The following ZNF169 variants were observed in gnomAD, a reference collection of about 807,000 sequenced individuals.
ZNF169 encodes the protein zinc finger protein 169.
In ZNF169, 11 loss-of-function variants were observed where a neutral mutation model predicts 12.0. That is an observed-to-expected ratio of 0.92 (90% CI 0.58 to 1.52). The LOEUF (loss-of-function observed/expected upper bound fraction) is 1.52, where lower values mean the gene tolerates loss of function less well. Ranked by LOEUF, ZNF169 falls within the 40% of genes most tolerant of loss-of-function variation. The probability of loss-of-function intolerance (pLI) is 0.00; values close to 1 mark genes in which losing one functional copy is unlikely to be tolerated. For synonymous variants in ZNF169, 302 were observed against 286.5 expected, an observed-to-expected ratio of 1.05 and a Z score of -0.55; for missense variants, 722 against 744.0, an observed-to-expected ratio of 0.97 and a Z score of 0.34.
chr9:94,263,795 C>T (rs1434866917), intron 1 of ZNF169, among the ~76,000 whole-genome samples: 10 of 149,554 alleles, frequency 6.7e-5, no homozygotes, highest in Admixed American at 6.7e-4. Context: ...TTTTTTTCTT[C>T]CCCTGTTCCT....
intron 1 of ZNF169, among the ~76,000 whole-genome samples, chr9:94,263,714 G>A (rs561264360): frequency 2.0e-5 from 3 of 151,852 alleles, no homozygotes; most frequent in Non-Finnish European, 4.4e-5. Flanking sequence ...ATTGGAATGC[G>A]TATTTCATGT....
intron 1 of ZNF169, among the ~76,000 whole-genome samples, chr9:94,270,177 A>C (rs1292217356): frequency 6.6e-6 from 1 of 152,286 alleles, no homozygotes; most frequent in East Asian, 1.9e-4. Context: ...ACTTAACCAC[A>C]CAGTCAGTAC....
chr9:94,301,074 A>G lies in ZNF169; in HGVS notation c.1516A>G (p.Arg506Gly). The G allele has an allele frequency of 6.2e-7, 1 of 1,614,178 alleles. No individual in the cohort carries two copies. The highest frequency in any genetic ancestry group is 8.5e-7 in the Non-Finnish European group (1 of 1,180,020). The change falls in exon 5 of 5, where the codon AGG (arginine) becomes GGG (glycine). Residue 506 changes from arginine to glycine, a missense_variant. Coordinates refer to ENST00000395395, the MANE Select transcript of ZNF169 (RefSeq NM_194320.4). ...TAAGTCGCTCCTCACCCGACACCAG[A>G]GGACACACTCAGAGGAGGAGCTTTA... is the stretch of plus-strand genomic sequence containing the variant. ...GFKSLLTRHQ[R>G]THSEEELYVD...
At chr9:94,282,074 G>A (rs1448801539) in intron 2 of ZNF169, among the ~76,000 whole-genome samples, 1 of 152,092 alleles carries the variant, frequency 6.6e-6, no homozygotes, top group Admixed American at 6.5e-5. Flanking sequence ...CAATTTTAAG[G>A]TATGGCAAGG....
At chr9:94,280,130 C>T (rs1830601770) in intron 2 of ZNF169, among the ~76,000 whole-genome samples, 2 of 152,230 alleles carry the variant, frequency 1.3e-5, no homozygotes, top group African/African-American at 2.4e-5. Context: ...TAATCATATT[C>T]TGGGGCTCAT....
chr9:94,274,022 A>T (rs534232472), intron 1 of ZNF169, among the ~76,000 whole-genome samples: 132 of 152,322 alleles, frequency 8.7e-4, no homozygotes, highest in Admixed American at 2.0e-3. Context: ...GAAGTCCAAG[A>T]TCAAGGTTTC....
chr9:94,300,809 C>T lies in ZNF169; in HGVS notation c.1251C>T (p.Leu417=). ...CGHSFRQKVT[L]IRHQRTHTGE... ...ACAGCTTTCGCCAAAAGGTCACTCT[C>T]ATCAGGCACCAGAGGACACACACAG... Residue 417 remains leucine, a synonymous_variant, in exon 5 of 5, where the codon CTC becomes CTT. Transcript: ENST00000395395. 6.2e-7 allele frequency: 1 copy of T among 1,613,718 alleles called. No individual in the cohort carries two copies. Among genetic ancestry groups the T allele is most frequent in the Non-Finnish European group, 8.5e-7 (1 of 1,179,910 alleles).
intron 2 of ZNF169, among the ~76,000 whole-genome samples, chr9:94,279,996 G>C (rs749198500): frequency 1.3e-5 from 2 of 152,206 alleles, no homozygotes; most frequent in African/African-American, 4.8e-5. Context: ...AACATAAATA[G>C]CTGCCAGGCA....
At chr9:94,289,680 C>T (rs3118753) in intron 2 of ZNF169, among the ~76,000 whole-genome samples, 44,961 of 151,934 alleles carry the variant, frequency 0.3, 7,938 homozygotes, top group East Asian at 0.56. Context: ...ATCCTGGCTA[C>T]TCAGGACGCT....
chr9:94,263,424 T>C (rs1830238653), intron 1 of ZNF169, among the ~76,000 whole-genome samples: 1 of 152,212 alleles, frequency 6.6e-6, no homozygotes, highest in Non-Finnish European at 1.5e-5. Context: ...GTTTACTCTT[T>C]GCATGTTATC....
At chr9:94,263,849 G>A (rs1420752396) in intron 1 of ZNF169, among the ~76,000 whole-genome samples, 2 of 129,932 alleles carry the variant, frequency 1.5e-5, no homozygotes, top group Non-Finnish European at 3.3e-5. Flanking sequence ...TTTTTTTTTA[G>A]CATTCTAATT....
At position 94,276,527 on chromosome 9, in the gene ZNF169, A is replaced by G. The variant is rs1192447551; in HGVS notation, c.-55-2231A>G. Among the ~76,000 whole-genome samples, 5 of 151,980 alleles carry G rather than the reference A, an allele frequency of 3.3e-5. No individual in the cohort carries two copies. The East Asian group carries it at 5.8e-4, about 18-fold the overall frequency. On this transcript the variant is annotated intron_variant, in intron 1 of 4. Coordinates refer to ENST00000395395, the MANE Select transcript of ZNF169 (RefSeq NM_194320.4). ...ACCCACCTCGGCCTCCCAAAGTGCT[A>G]GGATTACAGACGTGAGCCACTGTGC...
At chr9:94,271,917 G>T (rs1403831112) in intron 1 of ZNF169, among the ~76,000 whole-genome samples, 5 of 108,476 alleles carry the variant, frequency 4.6e-5, no homozygotes, top group Non-Finnish European at 1.0e-4. Context: ...GGGAAGTATT[G>T]CCGTCTCTCC....
intron 1 of ZNF169, among the ~76,000 whole-genome samples, chr9:94,269,713 T>TATC (rs1830358217): frequency 1.3e-5 from 2 of 152,192 alleles, no homozygotes; most frequent in African/African-American, 4.8e-5. Flanking sequence ...GCCTGGAAAT[T>TATC]ATCACCAGAC....
At chr9:94,265,142 A>G (rs3118765) in intron 1 of ZNF169, among the ~76,000 whole-genome samples, 44,018 of 151,122 alleles carry the variant, frequency 0.29, 7,925 homozygotes, top group East Asian at 0.53. Context: ...CCATTTTACA[A>G]TCCTGTTCCC....
At chr9:94,269,366 A>C (rs1830351728) in intron 1 of ZNF169, among the ~76,000 whole-genome samples, 1 of 152,176 alleles carries the variant, frequency 6.6e-6, no homozygotes, top group African/African-American at 2.4e-5. Context: ...CTGACATACT[A>C]TCTGGGCAAC....
At chr9:94,263,878 C>T (rs1010104651) in intron 1 of ZNF169, among the ~76,000 whole-genome samples, 6 of 147,496 alleles carry the variant, frequency 4.1e-5, no homozygotes, top group Admixed American at 2.0e-4. Flanking sequence ...TTCAATATAA[C>T]TTAATTGCCA....
At position 94,293,475 on chromosome 9, in the gene ZNF169, G is replaced by A. The variant is rs1358295592; in HGVS notation, c.256+406G>A. 14 of 438,126 alleles carry A rather than the reference G, an allele frequency of 3.2e-5. No individual in the cohort carries two copies. The East Asian group carries it at 6.2e-4, about 19-fold the overall frequency. The allele number at this position is 438,126 out of a possible 1,614,324, so 27.1% of individuals were successfully genotyped here. A position where few individuals can be genotyped will look rare whatever the true frequency, so the allele number is the denominator to read the frequency against. The stretch of plus-strand genomic sequence containing the variant: ...TCTGTCACCCAGGCTGGAGTGCAAT[G>A]GCATGATCTCGGCTCACTGCAACCT... On this transcript the variant is annotated intron_variant, in intron 4 of 4. Coordinates refer to ENST00000395395, the MANE Select transcript of ZNF169 (RefSeq NM_194320.4).
chr9:94,289,986 C>A (rs1404378859), intron 2 of ZNF169, among the ~76,000 whole-genome samples: 1 of 152,122 alleles, frequency 6.6e-6, no homozygotes, highest in Non-Finnish European at 1.5e-5. Flanking sequence ...TTTTCATGTG[C>A]CTTTAGAAAC....
Sources: gnomAD v4.1 joint callset for allele counts (sites outside exome capture counted in the v4.1 genomes callset) on GRCh38, gnomAD v4.1.1 for gene constraint, MANE v1.5 for transcripts, NCBI Gene and HGNC (gene_info 2026-07-23, HGNC 2026-07-21) for gene names.